Variants in RHOH observed in about 807,000 individuals in gnomAD.
The protein encoded by RHOH is rho-related GTP-binding protein RhoH.
In RHOH, 6 loss-of-function variants were observed where a neutral mutation model predicts 13.8. The ratio of observed to expected loss-of-function variants is 0.44; its 90% confidence interval spans 0.24 to 0.86. RHOH has a LOEUF of 0.86. RHOH is among the 40% of genes least tolerant of loss of function. RHOH has a pLI of 0.24. For synonymous variants in RHOH, 117 were observed against 103.0 expected (o/e 1.14, Z -0.82); for missense variants, 147 against 244.5 (o/e 0.60, Z 2.66).
chr4:40,212,720 T>A (rs1296653753), intron 1 of RHOH: 1 of 152,230 alleles, frequency 6.6e-6, no homozygotes, highest in Non-Finnish European at 1.5e-5. Context: ...GCTCCAAGGA[T>A]GGAAGATATA....
chr4:40,217,376 T>C (rs1726013175), intron 1 of RHOH, among the ~76,000 whole-genome samples: 1 of 151,650 alleles, frequency 6.6e-6, no homozygotes, highest in African/African-American at 2.4e-5. Flanking sequence ...TTATTTTTAC[T>C]TTTTTTTTGT....
chr4:40,216,547 C>A (rs915158171), intron 1 of RHOH, among the ~76,000 whole-genome samples: 3 of 152,166 alleles, frequency 2.0e-5, no homozygotes, highest in Admixed American at 6.5e-5. Context: ...AGGTTTATTT[C>A]TCTAAGTGTC....
intron 1 of RHOH, among the ~76,000 whole-genome samples, chr4:40,224,746 T>C (rs1389993195): frequency 6.6e-6 from 1 of 152,254 alleles, no homozygotes; most frequent in Non-Finnish European, 1.5e-5. Flanking sequence ...AGCACAGTGA[T>C]TGTAGAAACC....
At chr4:40,197,897 G>A (rs2109343620) in intron 1 of RHOH, among the ~76,000 whole-genome samples, 1 of 152,278 alleles carries the variant, frequency 6.6e-6, no homozygotes, top group Non-Finnish European at 1.5e-5. Context: ...AGCCTGAGTT[G>A]TAACTAAACA....
rs187984141 is a variant in RHOH, at chr4:40,202,338, T to C, written c.-331+5038T>C. 5.3e-5 allele frequency among the ~76,000 whole-genome samples: 8 copies of C among 152,344 alleles called. No individual in the cohort carries two copies. The East Asian group carries it at 1.5e-3, about 29-fold the overall frequency. ...TAGGTTAGAAAATCAGAATTAAAAA[T>C]TTTAATTACATTCTGATTTTGTTGT... On this transcript the variant is annotated intron_variant, in intron 1 of 2. Coordinates refer to ENST00000381799, the MANE Select transcript of RHOH (RefSeq NM_004310.5).
At chr4:40,221,365 GC>G (rs1726552212) in intron 1 of RHOH, among the ~76,000 whole-genome samples, 2 of 152,126 alleles carry the variant, frequency 1.3e-5, no homozygotes, top group Admixed American at 1.3e-4. Context: ...CACAGATATT[GC>G]ATTTTACACA....
chr4:40,205,178 C>G (rs111783701), intron 1 of RHOH, among the ~76,000 whole-genome samples: 1 of 152,128 alleles, frequency 6.6e-6, no homozygotes, highest in South Asian at 2.1e-4. Context: ...GCAGGAGAAT[C>G]GCTTGAATCC....
At chr4:40,223,225 G>C (rs1726793210) in intron 1 of RHOH, among the ~76,000 whole-genome samples, 1 of 152,166 alleles carries the variant, frequency 6.6e-6, no homozygotes, top group African/African-American at 2.4e-5. Flanking sequence ...GCAGTGGCAG[G>C]GTTTGAGAGG....
In RHOH at chr4:40,245,408, A is replaced by T. The variant is rs1014351267; in HGVS notation, c.*1446A>T. On this transcript the variant is annotated 3_prime_UTR_variant, in exon 3 of 3. Coordinates refer to ENST00000381799, the MANE Select transcript of RHOH (RefSeq NM_004310.5). ...CTAAAAATTAGCTGGGTGTGGTGGC[A>T]CATGCCTGTAGTTCTAGCTACTCAA... 6.6e-6 allele frequency: 1 copy of T among 152,012 alleles called. No homozygotes were observed. The highest frequency in any genetic ancestry group is 1.5e-5 in the Non-Finnish European group (1 of 68,030). The allele number at this position is 152,012 out of a possible 1,614,324, so 9.4% of individuals were successfully genotyped here.
At chr4:40,221,351 G>A (rs542992854) in intron 1 of RHOH, among the ~76,000 whole-genome samples, 76 of 152,188 alleles carry the variant, frequency 5.0e-4, no homozygotes, top group African/African-American at 1.8e-3. Context: ...ATTTGATTGC[G>A]CTCCACAGAT....
Position 40,219,410 on chromosome 4 carries a change from CAAAAAA to C in RHOH, c.-331+22124_-331+22129del, listed in dbSNP as rs35585203. ...TTGGGGACAGAGTGAGACTCCATCT[CAAAAAA>C]AAAAAAAAAAAAAGTGTGTGTGATA... On this transcript the variant is annotated intron_variant, in intron 1 of 2. Coordinates refer to ENST00000381799, the MANE Select transcript of RHOH (RefSeq NM_004310.5). 5.3e-3 allele frequency among the ~76,000 whole-genome samples: 488 copies of C among 92,622 alleles called. 2 individuals are homozygous for C. Among genetic ancestry groups the C allele is most frequent in the Non-Finnish European group, 6.8e-3 (327 of 48,052 alleles). 60.8% of individuals were successfully genotyped at this position (92,622 alleles called of 152,430 possible).
chr4:40,210,089 C>CAT (rs1553933902), intron 1 of RHOH, among the ~76,000 whole-genome samples: 1 of 145,458 alleles, frequency 6.9e-6, no homozygotes, highest in East Asian at 2.0e-4. Context: ...ACATTGTGTG[C>CAT]GTGTGTGTGT....
At chr4:40,221,037 G>A (rs1726492907) in intron 1 of RHOH, among the ~76,000 whole-genome samples, 1 of 152,186 alleles carries the variant, frequency 6.6e-6, no homozygotes, top group Non-Finnish European at 1.5e-5. Flanking sequence ...ATAAACTTGT[G>A]TTCTTAGATT....
At chr4:40,191,494 C>T (rs572776535), upstream of RHOH, among the ~76,000 whole-genome samples, 1 of 152,284 alleles carries the variant, frequency 6.6e-6, no homozygotes, top group Non-Finnish European at 1.5e-5. Context: ...GTTGCAAAAG[C>T]GCATCAACTA....
intron 1 of RHOH, among the ~76,000 whole-genome samples, chr4:40,239,358 G>C (rs1297626407): frequency 6.6e-6 from 1 of 152,110 alleles, no homozygotes; most frequent in Non-Finnish European, 1.5e-5. Context: ...TTAGACAGGA[G>C]TCTCTCTCTT....
chr4:40,195,764 T>C (rs1453121622), upstream of RHOH, among the ~76,000 whole-genome samples: 1 of 152,104 alleles, frequency 6.6e-6, no homozygotes, highest in Admixed American at 6.5e-5. Flanking sequence ...CCACAGAGGA[T>C]TTTCTAGGAG....
Position 40,245,529 on chromosome 4 carries a change from A to G in RHOH, c.*1567A>G, listed in dbSNP as rs1306162916. 1 of 139,156 alleles carries G rather than the reference A, an allele frequency of 7.2e-6. No individual in the cohort carries two copies. Among genetic ancestry groups the G allele is most frequent in the East Asian group, 2.0e-4 (1 of 4,948 alleles). 8.6% of individuals were successfully genotyped at this position (139,156 alleles called of 1,614,324 possible). ...ACTCCAGCCTGGGCAACAGAGGGAG[A>G]CTCCATCTCAAAAAAAAAAAAAAGA... On this transcript the variant is annotated 3_prime_UTR_variant, in exon 3 of 3. Transcript: ENST00000381799.
At chr4:40,213,370 T>TC (rs1292221928) in intron 1 of RHOH, among the ~76,000 whole-genome samples, 1 of 151,486 alleles carries the variant, frequency 6.6e-6, no homozygotes, top group Non-Finnish European at 1.5e-5. Flanking sequence ...CTTTTTTTTT[T>TC]TTTCTCTCTC....
chr4:40,236,887 C>T (rs73132504), intron 1 of RHOH, among the ~76,000 whole-genome samples: 32,725 of 151,796 alleles, frequency 0.22, 4,441 homozygotes, highest in African/African-American at 0.4. Flanking sequence ...TGGTGAAATA[C>T]GGAACTAACC....
Sources: gnomAD v4.1 joint callset for allele counts (sites outside exome capture counted in the v4.1 genomes callset) on GRCh38, gnomAD v4.1.1 for gene constraint, MANE v1.5 for transcripts, NCBI Gene and HGNC (gene_info 2026-07-23, HGNC 2026-07-21) for gene names.